Variants in GPHA2 observed in about 807,000 individuals in gnomAD.
GPHA2 encodes glycoprotein hormone subunit alpha 2.
In GPHA2, 12 loss-of-function variants were observed where a neutral mutation model predicts 15.3. The observed-to-expected ratio is 0.78, with a 90% confidence interval of 0.50 to 1.27. The LOEUF is 1.27. Among genes scored for constraint, GPHA2 ranks in the 50% most tolerant of loss-of-function variants. The probability of loss-of-function intolerance (pLI) is 0.00; values close to 1 mark genes in which losing one functional copy is unlikely to be tolerated. For missense variants in GPHA2, 156 were observed against 169.5 expected, an observed-to-expected ratio of 0.92 and a Z score of 0.44; for synonymous variants, 61 against 66.8, an observed-to-expected ratio of 0.91 and a Z score of 0.42.
Position 64,934,780 on chromosome 11 carries a change from CGA to C in GPHA2, c.381_382del (p.Arg128LeufsTer47). On this transcript the variant is annotated frameshift_variant, in exon 4 of 4. Transcript: ENST00000279168. LOFTEE classifies it high-confidence loss of function. ...AGGAGGGGAGAGGATGGGCTAGTAG[CGA>C]GAGAGGCGACACATGTCACACTGGC... The C allele has an allele frequency of 6.2e-7, 1 of 1,613,604 alleles. No individual in the cohort carries two copies.
At position 64,935,841 on chromosome 11, in the gene GPHA2, G is replaced by A. The variant is rs576016149; in HGVS notation, c.-8C>T. The stretch of plus-strand genomic sequence containing the variant: ...CTGCCTCAGCGAGCTCACCACTTCC[G>A]AGGCCCAGGAACAGAGCGGCTTGCA... On this transcript the variant is annotated 5_prime_UTR_variant, in exon 1 of 4. Coordinates refer to ENST00000279168, the MANE Select transcript of GPHA2 (RefSeq NM_130769.4). 13 of 167,676 alleles carry A rather than the reference G, an allele frequency of 7.8e-5. No individual in the cohort carries two copies. The South Asian group carries it at 2.1e-3, about 27-fold the overall frequency. 10.4% of individuals were successfully genotyped at this position (167,676 alleles called of 1,614,324 possible). A position where few individuals can be genotyped will look rare whatever the true frequency, so the allele number is the denominator to read the frequency against.
intron 2 of GPHA2, 62 bp downstream of exon 2, chr11:64,935,296 A>T (rs1590683612): frequency 8.5e-6 from 8 of 943,492 alleles, no homozygotes; most frequent in Admixed American, 2.4e-5. Flanking sequence ...CCGTCCACTC[A>T]GCTCTTTGCT....
In GPHA2 at chr11:64,935,388, C is replaced by T. The variant is rs201772272; in HGVS notation, c.73G>A (p.Glu25Lys). ...VLAVTEAWGQEAVIPGCHLHP... is the reference protein window; with the variant it reads ...VLAVTEAWGQKAVIPGCHLHP... The stretch of plus-strand genomic sequence containing the variant: ...AAGTGGCAGCCTGGGATGACTGCCT[C>T]CTGGCCCCAGGCTTCAGTGACTGCC... The change falls in exon 2 of 4, where the codon GAG becomes AAG. Residue 25 changes from glutamate to lysine, a missense_variant. Coordinates refer to ENST00000279168, the MANE Select transcript of GPHA2 (RefSeq NM_130769.4). 5.0e-6 allele frequency: 8 copies of T among 1,607,744 alleles called. No individual in the cohort carries two copies. In the South Asian group the frequency reaches 6.6e-5, roughly 13 times the overall value.
Position 64,935,399 on chromosome 11 carries a change from G to A in GPHA2, c.62C>T (p.Ala21Val), listed in dbSNP as rs745972673. 3 of 1,609,374 alleles carry A rather than the reference G, an allele frequency of 1.9e-6. No homozygotes were observed. The highest frequency in any genetic ancestry group is 8.5e-7 in the Non-Finnish European group (1 of 1,178,162). ...TGGGATGACTGCCTCCTGGCCCCAGGCTTCAGTGACTGCCAGGACCAGCAG... is the reference window on the plus strand; with the variant it reads ...TGGGATGACTGCCTCCTGGCCCCAGACTTCAGTGACTGCCAGGACCAGCAG... ...LYLLVLAVTEAWGQEAVIPGC... is the reference protein window; with the variant it reads ...LYLLVLAVTEVWGQEAVIPGC... Residue 21 changes from alanine (A) to valine (V), a missense_variant, in exon 2 of 4, where the codon GCC (alanine) becomes GTC (valine). Ala to Val is a moderately conservative substitution (Grantham distance 64). Coordinates refer to ENST00000279168, the MANE Select transcript of GPHA2 (RefSeq NM_130769.4).
chr11:64,934,965 A>G, intron 3 of GPHA2, 26 bp downstream of exon 3: 1 of 1,613,790 alleles, frequency 6.2e-7, no homozygotes, highest in South Asian at 1.1e-5. Flanking sequence ...CCCAGCGTCC[A>G]TCCACCGGGC....
intron 1 of GPHA2, 164 bp downstream of exon 1, chr11:64,935,670 C>A: frequency 2.1e-6 from 1 of 487,362 alleles, no homozygotes; most frequent in East Asian, 3.1e-5. Context: ...TGGAAAGGAC[C>A]TGTGTGTCAG....
chr11:64,935,702 C>A, intron 1 of GPHA2, 132 bp downstream of exon 1: 2 of 393,888 alleles, frequency 5.1e-6, no homozygotes, highest in East Asian at 3.8e-5. Flanking sequence ...GTGATTCTCC[C>A]TTCCCTGGAA....
chr11:64,936,328 A>G (rs894146881), upstream of GPHA2, among the ~76,000 whole-genome samples: 1 of 151,986 alleles, frequency 6.6e-6, no homozygotes, highest in Non-Finnish European at 1.5e-5. Context: ...CCTAGGCTGG[A>G]GTGTGGTGGT....
At chr11:64,936,093 C>T (rs1465079969), upstream of GPHA2, among the ~76,000 whole-genome samples, 1 of 152,146 alleles carries the variant, frequency 6.6e-6, no homozygotes, top group South Asian at 2.1e-4. Context: ...CTACCCACAG[C>T]CCAGGCCTCG....
intron 1 of GPHA2, 22 bp downstream of exon 1, chr11:64,935,809 GCTC>G (rs1202120547): frequency 5.3e-6 from 1 of 188,364 alleles, no homozygotes; most frequent in Non-Finnish European, 1.1e-5. Context: ...CCTCCCCAGA[GCTC>G]CTCCTGCCTC....
At position 64,935,595 on chromosome 11, in the gene GPHA2, T is replaced by C. The variant is rs113806903; in HGVS notation, c.1-135A>G. On this transcript the variant is annotated intron_variant, in intron 1 of 3. Transcript: ENST00000279168. ...AGGTGTGCCTGAATGGTGCTGCCTT[T>C]TCCCTGTATCTGCCTTTGTGTGTGT... The C allele has an allele frequency of 6.4e-4, 390 of 611,814 alleles. 3 individuals are homozygous for C. The highest frequency in any genetic ancestry group is 3.6e-3 in the African/African-American group (196 of 54,076). 37.9% of individuals were successfully genotyped at this position (611,814 alleles called of 1,614,324 possible).
At position 64,934,737 on chromosome 11, in the gene GPHA2, C is replaced by G; in HGVS notation, c.*36G>C. ...GTTTCCCCCACCAGAACGTCAAGCCCTGTGACCCAGGGGAGGAAGGAGGGG... is the reference window on the plus strand; with the variant it reads ...GTTTCCCCCACCAGAACGTCAAGCCGTGTGACCCAGGGGAGGAAGGAGGGG... On this transcript the variant is annotated 3_prime_UTR_variant, in exon 4 of 4. Transcript: ENST00000279168. 6 of 1,552,362 alleles carry G rather than the reference C, an allele frequency of 3.9e-6. No homozygotes were observed. The highest frequency in any genetic ancestry group is 5.3e-6 in the Non-Finnish European group (6 of 1,123,578).
At chr11:64,935,218 G>T in intron 2 of GPHA2, 43 bp from the exon 3 acceptor site, 4 of 1,570,654 alleles carry the variant, frequency 2.5e-6, no homozygotes, top group Non-Finnish European at 3.5e-6. Context: ...CTCTGCCAAG[G>T]TTTGCCTCGC....
Position 64,934,840 on chromosome 11 carries a change from C to A in GPHA2, c.323G>T (p.Arg108Met), listed in dbSNP as rs1268727539. ...KVQLQCVGSR[R>M]EELEIFTARA... is the part of the protein sequence containing the mutation. Reference sequence around the variant, plus strand: ...GGCCGTGAAGATCTCGAGCTCCTCCCTCCGGCTCCCCACACACTGCAGCTG... The same window carrying A: ...GGCCGTGAAGATCTCGAGCTCCTCCATCCGGCTCCCCACACACTGCAGCTG... The change falls in exon 4 of 4, where the codon AGG (arginine) becomes ATG (methionine). Residue 108 changes from arginine (R) to methionine (M), a missense_variant. Physicochemically the swap from Arg to Met is moderately conservative, Grantham distance 91. Coordinates refer to ENST00000279168, the MANE Select transcript of GPHA2 (RefSeq NM_130769.4). The A allele has an allele frequency of 1.9e-6, 3 of 1,594,756 alleles. 1 individual carries two copies. Among genetic ancestry groups the A allele is most frequent in the Middle Eastern group, 1.7e-4 (1 of 5,986 alleles).
chr11:64,935,335 C>T (rs1444340038), intron 2 of GPHA2, 23 bp downstream of exon 2: 1 of 1,558,264 alleles, frequency 6.4e-7, no homozygotes, highest in South Asian at 1.2e-5. Flanking sequence ...TGCTCCTAGC[C>T]CTCCGGTCCC....
chr11:64,936,264 C>T (rs1590684367), upstream of GPHA2, among the ~76,000 whole-genome samples: 1 of 151,982 alleles, frequency 6.6e-6, no homozygotes, highest in Admixed American at 6.6e-5. Context: ...GCCTGATCAC[C>T]CCTAACTTTA....
chr11:64,934,632 C>G lies in GPHA2; in HGVS notation c.*141G>C. The G allele has an allele frequency of 1.4e-6, 1 of 691,480 alleles. No individual in the cohort carries two copies. The allele number at this position is 691,480 out of a possible 1,614,324, so 42.8% of individuals were successfully genotyped here. ...TACAAAGGATCAAAGCTGGAACAAC[C>G]CTCCCCTTATTTAAAAAAATTCCAT... On this transcript the variant is annotated 3_prime_UTR_variant, in exon 4 of 4. Coordinates refer to ENST00000279168, the MANE Select transcript of GPHA2 (RefSeq NM_130769.4).
chr11:64,934,606 T>C lies in GPHA2; in HGVS notation c.*167A>G. 6 of 625,410 alleles carry C rather than the reference T, an allele frequency of 9.6e-6. No individual in the cohort carries two copies. 38.7% of individuals were successfully genotyped at this position (625,410 alleles called of 1,614,324 possible). On this transcript the variant is annotated 3_prime_UTR_variant, in exon 4 of 4. Transcript: ENST00000279168. Reference sequence around the variant, plus strand: ...CTTCTCAGGTGACAGTCACAAAATCTTACAAAGGATCAAAGCTGGAACAAC... The same window carrying C: ...CTTCTCAGGTGACAGTCACAAAATCCTACAAAGGATCAAAGCTGGAACAAC...
At chr11:64,935,302 T>C in intron 2 of GPHA2, 56 bp downstream of exon 2, 5 of 1,275,028 alleles carry the variant, frequency 3.9e-6, no homozygotes, top group Admixed American at 2.2e-5. Flanking sequence ...ACTCAGCTCT[T>C]TGCTCCCACC....
Sources: allele counts gnomAD v4.1 joint callset (sites outside exome capture counted in the v4.1 genomes callset), GRCh38; gene constraint gnomAD v4.1.1; transcripts MANE v1.5; gene names NCBI Gene and HGNC (gene_info 2026-07-23, HGNC 2026-07-21).